GOLGA5: variants seen among roughly 807,000 people sequenced by gnomAD.
GOLGA5 encodes the protein golgin subfamily A member 5.
GOLGA5 carries 50 observed loss-of-function variants against 93.5 expected under a neutral mutation model. That is an observed-to-expected ratio of 0.53 (90% CI 0.43 to 0.68). The LOEUF (loss-of-function observed/expected upper bound fraction) is 0.68, where lower values mean the gene tolerates loss of function less well. GOLGA5 is among the 30% of genes least tolerant of loss of function. The pLI, the probability that GOLGA5 is intolerant of heterozygous loss-of-function variation, is 0.00. For missense variants in GOLGA5, 760 were observed against 856.4 expected, an observed-to-expected ratio of 0.89 and a Z score of 1.40; for synonymous variants, 312 against 304.5, an observed-to-expected ratio of 1.02 and a Z score of -0.26.
chr14:92,829,313 T>TC (rs1284200542), intron 9 of GOLGA5, among the ~76,000 whole-genome samples: 1 of 152,090 alleles, frequency 6.6e-6, no homozygotes, highest in Admixed American at 6.6e-5. Flanking sequence ...TGCCATAGAT[T>TC]CCTTAGTTGG....
intron 2 of GOLGA5, among the ~76,000 whole-genome samples, chr14:92,803,283 G>A (rs562829264): frequency 2.4e-4 from 37 of 152,268 alleles, no homozygotes; most frequent in South Asian, 1.2e-3. Context: ...GGATCCTCCT[G>A]TGTTGGCCTC....
intron 8 of GOLGA5, among the ~76,000 whole-genome samples, chr14:92,821,282 T>G (rs1318046657): frequency 6.6e-6 from 1 of 152,208 alleles, no homozygotes; most frequent in African/African-American, 2.4e-5. Flanking sequence ...CTGTTCTTTC[T>G]GCTTGAGAAA....
intron 9 of GOLGA5, among the ~76,000 whole-genome samples, chr14:92,826,752 T>C (rs1336020378): frequency 6.7e-6 from 1 of 149,802 alleles, no homozygotes; most frequent in Non-Finnish European, 1.5e-5. Context: ...GATGAAAACA[T>C]ACAGAGAAAA....
intron 1 of GOLGA5, among the ~76,000 whole-genome samples, chr14:92,796,173 C>G (rs369590710): frequency 6.6e-6 from 1 of 152,324 alleles, no homozygotes; most frequent in East Asian, 1.9e-4. Flanking sequence ...ATTAAGATAG[C>G]TTTTGTATTT....
intron 6 of GOLGA5, among the ~76,000 whole-genome samples, chr14:92,814,912 TTCTTTG>T (rs1885172477): frequency 6.6e-6 from 1 of 152,164 alleles, no homozygotes; most frequent in African/African-American, 2.4e-5. Flanking sequence ...CCATCACATA[TTCTTTG>T]TCTTTATTAT....
intron 9 of GOLGA5, among the ~76,000 whole-genome samples, chr14:92,829,592 C>G (rs892163285): frequency 1.3e-5 from 2 of 152,180 alleles, no homozygotes; most frequent in Non-Finnish European, 2.9e-5. Context: ...CATAATAAAA[C>G]TTAAACAGAT....
intron 3 of GOLGA5, among the ~76,000 whole-genome samples, chr14:92,808,688 G>A (rs1471808213): frequency 1.0e-5 from 1 of 98,952 alleles, no homozygotes; most frequent in Non-Finnish European, 1.9e-5. Context: ...TTTAAGAAAG[G>A]TGTGTCTCAC....
chr14:92,807,797 T>TAA (rs767980881), intron 3 of GOLGA5, among the ~76,000 whole-genome samples: 25 of 124,862 alleles, frequency 2.0e-4, no homozygotes, highest in Non-Finnish European at 3.7e-4. Context: ...ATGTGAATGT[T>TAA]ATTGTAAGTG....
chr14:92,819,958 C>T (rs962960699), intron 8 of GOLGA5, 122 bp downstream of exon 8: 13 of 870,516 alleles, frequency 1.5e-5, no homozygotes, highest in Non-Finnish European at 2.3e-5. Context: ...CCCACAAGTT[C>T]CTCCTGCCTT....
At chr14:92,804,158 G>A (rs1884932601) in intron 2 of GOLGA5, among the ~76,000 whole-genome samples, 1 of 151,796 alleles carries the variant, frequency 6.6e-6, no homozygotes, top group South Asian at 2.1e-4. Context: ...TCAGAATACT[G>A]CCTTAGATAT....
chr14:92,834,872 A>G (rs1885607644), intron 10 of GOLGA5, among the ~76,000 whole-genome samples: 1 of 152,352 alleles, frequency 6.6e-6, no homozygotes, highest in Admixed American at 6.5e-5. Context: ...TAGCCATTGC[A>G]TTAATCCATG....
At position 92,809,481 on chromosome 14, in the gene GOLGA5, C is replaced by A; in HGVS notation, c.954C>A (p.Arg318=). The A allele has an allele frequency of 6.2e-7, 1 of 1,613,374 alleles. No homozygotes were observed. Among genetic ancestry groups the A allele is most frequent in the African/African-American group, 1.3e-5 (1 of 74,902 alleles). ...AAGCTGACCAGCTACTGAGTACTCG[C>A]ACAGAAGCATTAGAAGCCTTACAGA... ...LQEADQLLST[R]TEALEALQSE... The change falls in exon 4 of 13, where the codon CGC becomes CGA. Residue 318 remains arginine (R), a synonymous_variant. Coordinates refer to ENST00000163416, the MANE Select transcript of GOLGA5 (RefSeq NM_005113.4).
At chr14:92,799,091 C>T (rs1410929774) in intron 2 of GOLGA5, among the ~76,000 whole-genome samples, 1 of 152,082 alleles carries the variant, frequency 6.6e-6, no homozygotes, top group African/African-American at 2.4e-5. Context: ...CCTCAGCCTC[C>T]TGAGTAGCTG....
intron 7 of GOLGA5, 28 bp from the exon 8 acceptor site, chr14:92,819,680 C>CT: frequency 6.2e-7 from 1 of 1,607,076 alleles, no homozygotes. Flanking sequence ...TTAATTATTG[C>CT]TTTTACATGT....
At chr14:92,834,739 A>AG (rs2140337402) in intron 10 of GOLGA5, among the ~76,000 whole-genome samples, 1 of 152,284 alleles carries the variant, frequency 6.6e-6, no homozygotes, top group East Asian at 1.9e-4. Context: ...GGATCTTGAG[A>AG]GGGGGGACTG....
intron 8 of GOLGA5, among the ~76,000 whole-genome samples, chr14:92,820,551 C>T (rs1885296166): frequency 6.6e-6 from 1 of 152,238 alleles, no homozygotes. Flanking sequence ...CTCCTCAGTA[C>T]AGACCCTTGA....
rs191101619 is a variant in GOLGA5 at position 92,802,822 on chromosome 14, C to A, written c.545-3914C>A. On this transcript the variant is annotated intron_variant, in intron 2 of 12. Transcript: ENST00000163416. ...CAGGCTGGAATGTAGCGGCTATTCA[C>A]ATGTATGATCATAGTGCACTGCAGC... Among the ~76,000 whole-genome samples, 398 of 151,816 alleles carry A rather than the reference C, an allele frequency of 2.6e-3. 2 individuals carry two copies. Among genetic ancestry groups the A allele is most frequent in the African/African-American group, 9.1e-3 (377 of 41,442 alleles).
At chr14:92,831,991 CT>C (rs1372012715) in intron 9 of GOLGA5, among the ~76,000 whole-genome samples, 1 of 152,108 alleles carries the variant, frequency 6.6e-6, no homozygotes, top group Non-Finnish European at 1.5e-5. Flanking sequence ...TTAGATCAAA[CT>C]TTTTTCAATA....
intron 8 of GOLGA5, among the ~76,000 whole-genome samples, chr14:92,820,507 C>T (rs2140327039): frequency 6.6e-6 from 1 of 152,332 alleles, no homozygotes; most frequent in South Asian, 2.1e-4. Context: ...TTCCTCTTAT[C>T]TCAACTGCAA....
Sources: allele counts gnomAD v4.1 joint callset (sites outside exome capture counted in the v4.1 genomes callset), GRCh38; gene constraint gnomAD v4.1.1; transcripts MANE v1.5; gene names NCBI Gene and HGNC (gene_info 2026-07-23, HGNC 2026-07-21).